MECOM: variants seen among roughly 807,000 people sequenced by gnomAD.
MECOM encodes the protein histone-lysine N-methyltransferase MECOM.
MECOM carries 13 observed loss-of-function variants against 116.3 expected under a neutral mutation model. The ratio of observed to expected loss-of-function variants is 0.11; its 90% CI spans 0.07 to 0.18. The LOEUF is 0.18. Ranked by LOEUF, MECOM falls within the 10% of genes least tolerant of loss-of-function variation. The pLI is 1.00. For synonymous variants in MECOM, 528 were observed against 535.2 expected (o/e 0.99, Z 0.19); for missense variants, 1,299 against 1,509.0 (o/e 0.86, Z 2.31).
intron 1 of MECOM, among the ~76,000 whole-genome samples, chr3:169,544,470 A>G (rs1760471516): frequency 6.6e-6 from 1 of 152,222 alleles, no homozygotes; most frequent in South Asian, 2.1e-4. Context: ...ACTAATTTAC[A>G]TTCCCACCAA....
chr3:169,257,587 A>C (rs1391697694), intron 2 of MECOM, among the ~76,000 whole-genome samples: 1 of 152,130 alleles, frequency 6.6e-6, no homozygotes, highest in Non-Finnish European at 1.5e-5. Flanking sequence ...AATTCTGTGA[A>C]ATTTTTGCAC....
chr3:169,263,076 GCTATAT>G (rs1178280922), intron 2 of MECOM, among the ~76,000 whole-genome samples: 6 of 31,738 alleles, frequency 1.9e-4, no homozygotes, highest in African/African-American at 5.7e-4. Flanking sequence ...TTTTCAAGAT[GCTATAT>G]ATATATATAT....
In MECOM at chr3:169,084,924, G is replaced by A. The variant is rs1225396255; in HGVS notation, c.3705C>T (p.Ser1235=). ...CTTGATAACGTCATACGTGGCTTAT[G>A]GACTGGATAGCACTGGATTCCGCCG... The part of the protein sequence containing the change: ...RAAAESSAIQ[S]ISHV The change falls in exon 17 of 17, where the codon TCC becomes TCT. Residue 1235 remains serine (S), a synonymous_variant. Transcript: ENST00000651503. The A allele has an allele frequency of 1.2e-6, 2 of 1,614,008 alleles. No individual in the cohort carries two copies. Among genetic ancestry groups the A allele is most frequent in the Non-Finnish European group, 1.7e-6 (2 of 1,179,972 alleles).
At chr3:169,596,843 G>A (rs1048582990) in intron 1 of MECOM, among the ~76,000 whole-genome samples, 2 of 152,010 alleles carry the variant, frequency 1.3e-5, no homozygotes, top group Non-Finnish European at 2.9e-5. Flanking sequence ...TTAGTTTAAT[G>A]AAATGCCTCT....
intron 1 of MECOM, among the ~76,000 whole-genome samples, chr3:169,572,159 C>T (rs1268784636): frequency 6.6e-6 from 1 of 152,096 alleles, no homozygotes; most frequent in African/African-American, 2.4e-5. Flanking sequence ...TATCAAACAA[C>T]CCCATCAAAA....
At chr3:169,307,818 A>G (rs1056118876) in intron 2 of MECOM, among the ~76,000 whole-genome samples, 1 of 152,182 alleles carries the variant, frequency 6.6e-6, no homozygotes, top group Non-Finnish European at 1.5e-5. Flanking sequence ...CTGATGCTCC[A>G]TAGCAATTTG....
intron 1 of MECOM, among the ~76,000 whole-genome samples, chr3:169,523,657 C>A (rs73042848): frequency 0.03 from 4,536 of 152,106 alleles, 232 homozygotes; most frequent in African/African-American, 0.11. Flanking sequence ...TGTTTATTAT[C>A]TATGCAATGT....
intron 2 of MECOM, among the ~76,000 whole-genome samples, chr3:169,217,306 T>C (rs1751536184): frequency 6.6e-6 from 1 of 151,930 alleles, no homozygotes; most frequent in Non-Finnish European, 1.5e-5. Context: ...GACAATAAAA[T>C]ATATAACACA....
At chr3:169,465,595 A>C (rs1748162293) in intron 1 of MECOM, among the ~76,000 whole-genome samples, 1 of 152,198 alleles carries the variant, frequency 6.6e-6, no homozygotes, top group Non-Finnish European at 1.5e-5. Flanking sequence ...ATGTGTCGAC[A>C]TCCATTTTAA....
chr3:169,340,381 C>T (rs1327072748), intron 2 of MECOM, among the ~76,000 whole-genome samples: 1 of 152,106 alleles, frequency 6.6e-6, no homozygotes, highest in Non-Finnish European at 1.5e-5. Context: ...TTTATGATAG[C>T]TGTTAGGTTA....
At chr3:169,317,441 T>A (rs1577693071) in intron 2 of MECOM, among the ~76,000 whole-genome samples, 1 of 152,050 alleles carries the variant, frequency 6.6e-6, no homozygotes, top group African/African-American at 2.4e-5. Context: ...CACTGAAAGG[T>A]TTCACTTGAA....
At chr3:169,425,292 C>T (rs1740468154) in intron 1 of MECOM, among the ~76,000 whole-genome samples, 1 of 152,116 alleles carries the variant, frequency 6.6e-6, no homozygotes, top group Admixed American at 6.6e-5. Flanking sequence ...CATGTCCATG[C>T]TCTTTGCACG....
intron 2 of MECOM, among the ~76,000 whole-genome samples, chr3:169,250,087 G>T (rs1577468528): frequency 6.6e-6 from 1 of 152,150 alleles, no homozygotes; most frequent in Non-Finnish European, 1.5e-5. Flanking sequence ...GGGAAATGGG[G>T]GCTGGCGACC....
intron 2 of MECOM, among the ~76,000 whole-genome samples, chr3:169,195,443 T>C (rs1223243954): frequency 1.3e-5 from 2 of 152,088 alleles, no homozygotes; most frequent in Non-Finnish European, 2.9e-5. Flanking sequence ...ACTGACTCTA[T>C]AGTAGCTTAA....
At chr3:169,403,706 AAAT>A (rs781361833) in intron 1 of MECOM, among the ~76,000 whole-genome samples, 5 of 152,222 alleles carry the variant, frequency 3.3e-5, no homozygotes, top group Non-Finnish European at 5.9e-5. Flanking sequence ...AAAGTAAATA[AAAT>A]AATATGGAAT....
chr3:169,535,463 T>C (rs924890769), intron 1 of MECOM, among the ~76,000 whole-genome samples: 2 of 152,176 alleles, frequency 1.3e-5, no homozygotes, highest in African/African-American at 4.8e-5. Context: ...CAGCCCTTAC[T>C]TTCAAATGTC....
chr3:169,551,078 C>T (rs1286468190), intron 1 of MECOM, among the ~76,000 whole-genome samples: 1 of 94,978 alleles, frequency 1.1e-5, no homozygotes, highest in African/African-American at 3.2e-5. Context: ...CCGCCTCGGC[C>T]TCCCAAAGTG....
chr3:169,249,709 T>G (rs868270473), intron 2 of MECOM, among the ~76,000 whole-genome samples: 4 of 152,264 alleles, frequency 2.6e-5, no homozygotes, highest in Middle Eastern at 3.4e-3. Context: ...TAGAACACAG[T>G]TTAAAGCCAA....
At chr3:169,596,011 A>G (rs1767087751) in intron 1 of MECOM, among the ~76,000 whole-genome samples, 1 of 152,244 alleles carries the variant, frequency 6.6e-6, no homozygotes, top group Non-Finnish European at 1.5e-5. Context: ...TTTGAAAAAT[A>G]ATACAAGATG....
Sources: gnomAD v4.1 joint callset for allele counts (sites outside exome capture counted in the v4.1 genomes callset) on GRCh38, gnomAD v4.1.1 for gene constraint, MANE v1.5 for transcripts, NCBI Gene and HGNC (gene_info 2026-07-23, HGNC 2026-07-21) for gene names.